Variants in CCNP observed in about 807,000 individuals in gnomAD.
The protein encoded by CCNP is cyclin-P.
A neutral mutation model predicts 19.6 loss-of-function variants in CCNP; 18 were observed. The observed-to-expected ratio is 0.92, with a 90% CI of 0.64 to 1.36. CCNP has a LOEUF of 1.36. Ranked by LOEUF, CCNP falls within the 40% of genes most tolerant of loss-of-function variation. The pLI is 0.00. For missense variants in CCNP, 440 were observed against 424.4 expected, an observed-to-expected ratio of 1.04 and a Z score of -0.32; for synonymous variants, 228 against 194.9, an observed-to-expected ratio of 1.17 and a Z score of -1.41.
At position 40,222,562 on chromosome 19, in the gene CCNP, G is replaced by A. The variant is rs148405533; in HGVS notation, c.*490C>T. On this transcript the variant is annotated 3_prime_UTR_variant, in exon 5 of 5. Coordinates refer to ENST00000430325, the MANE Select transcript of CCNP (RefSeq NM_024877.4). Reference sequence around the variant, plus strand: ...TGGAGACTGGAGGCTGAGAAGAAGCGTCGATGTGGTTCCCCACGGACGGGT... The same window carrying A: ...TGGAGACTGGAGGCTGAGAAGAAGCATCGATGTGGTTCCCCACGGACGGGT... 226 of 398,144 alleles carry A rather than the reference G, an allele frequency of 5.7e-4. 1 individual carries two copies. Among genetic ancestry groups the A allele is most frequent in the African/African-American group, 3.9e-3 (189 of 48,718 alleles). 24.7% of individuals were successfully genotyped at this position (398,144 alleles called of 1,614,324 possible). A position where few individuals can be genotyped will look rare whatever the true frequency, so the allele number is the denominator to read the frequency against.
chr19:40,225,647 A>G (rs1380339336), intron 1 of CCNP, among the ~76,000 whole-genome samples: 1 of 152,178 alleles, frequency 6.6e-6, no homozygotes, highest in African/African-American at 2.4e-5. Flanking sequence ...TTTCCTCTAC[A>G]GAGAGGGTCC....
Position 40,226,425 on chromosome 19 carries a change from C to A in CCNP, c.217G>T (p.Gly73Trp). Residue 73 changes from glycine to tryptophan, a missense_variant, in exon 1 of 5, where the codon GGG becomes TGG. Gly to Trp is a radical substitution (Grantham distance 184). Coordinates refer to ENST00000430325, the MANE Select transcript of CCNP (RefSeq NM_024877.4). ...GCGTACTCGCGTTCTCCCTGCAGCCCCAGCGCGCTCAGCGCCTCCTCCAGC... is the reference window on the plus strand; with the variant it reads ...GCGTACTCGCGTTCTCCCTGCAGCCACAGCGCGCTCAGCGCCTCCTCCAGC... ...PGLEEALSAL[G>W]LQGEREYAGD... 1 of 1,608,702 alleles carries A rather than the reference C, an allele frequency of 6.2e-7. No homozygotes were observed.
At chr19:40,223,824 A>G (rs555144872) in intron 3 of CCNP, among the ~76,000 whole-genome samples, 2 of 149,232 alleles carry the variant, frequency 1.3e-5, no homozygotes, top group Non-Finnish European at 3.0e-5. Context: ...AACAGATACT[A>G]CTCCCTGCTT....
rs1973464048 is a variant in CCNP at position 40,222,650 on chromosome 19, G to A, written c.*402C>T. 2.5e-6 allele frequency: 1 copy of A among 398,482 alleles called. No individual in the cohort carries two copies. The highest frequency in any genetic ancestry group is 6.3e-4 in the Middle Eastern group (1 of 1,588). 24.7% of individuals were successfully genotyped at this position (398,482 alleles called of 1,614,324 possible). A position where few individuals can be genotyped will look rare whatever the true frequency, so the allele number is the denominator to read the frequency against. On this transcript the variant is annotated 3_prime_UTR_variant, in exon 5 of 5. Transcript: ENST00000430325. Reference sequence around the variant, plus strand: ...CAACTGGAGTGACTAGGCGAGCACCGGGGAGAGGTGGACACCCTATTCTTC... The same window carrying A: ...CAACTGGAGTGACTAGGCGAGCACCAGGGAGAGGTGGACACCCTATTCTTC...
At chr19:40,223,591 G>T (rs1973491029) in intron 3 of CCNP, 45 bp from the exon 4 acceptor site, 1 of 1,601,550 alleles carries the variant, frequency 6.2e-7, no homozygotes, top group African/African-American at 1.3e-5. Flanking sequence ...TCTTGGATCC[G>T]GGCTCTTTAC....
At chr19:40,224,896 C>A in intron 1 of CCNP, 85 bp from the exon 2 acceptor site, 1 of 1,233,404 alleles carries the variant, frequency 8.1e-7, no homozygotes, top group Non-Finnish European at 1.1e-6. Flanking sequence ...CAGCAGCCTC[C>A]TCCAGTCAGT....
intron 3 of CCNP, chr19:40,223,784 T>G: frequency 1.8e-6 from 1 of 555,820 alleles, no homozygotes; most frequent in Non-Finnish European, 3.2e-6. Flanking sequence ...ACTTAAGCTC[T>G]CTGCCTCAGC....
intron 1 of CCNP, among the ~76,000 whole-genome samples, 190 bp downstream of exon 1, chr19:40,226,185 G>A (rs974545435): frequency 4.6e-5 from 7 of 152,266 alleles, no homozygotes; most frequent in African/African-American, 1.4e-4. Context: ...CGGTGGGAAA[G>A]GGCATTCCCA....
chr19:40,226,326 G>A, intron 1 of CCNP, 49 bp downstream of exon 1: 2 of 1,541,666 alleles, frequency 1.3e-6, no homozygotes, highest in Middle Eastern at 3.4e-4. Flanking sequence ...TGGGTGCCGG[G>A]CGGTGGGCCG....
chr19:40,224,618 G>A lies in CCNP; in HGVS notation c.383C>T (p.Thr128Ile). 6.2e-7 allele frequency: 1 copy of A among 1,614,242 alleles called. No individual in the cohort carries two copies. Among genetic ancestry groups the A allele is most frequent in the Non-Finnish European group, 8.5e-7 (1 of 1,180,048 alleles). The change falls in exon 3 of 5, where the codon ACA (threonine) becomes ATA (isoleucine). Residue 128 changes from threonine (T) to isoleucine (I), a missense_variant. Thr to Ile is a moderately conservative substitution (Grantham distance 89). Transcript: ENST00000430325. ...VHEYLGLAGD[T>I]LYLAVHLLDS... The stretch of plus-strand genomic sequence containing the variant: ...AAGCAGGTGAACCGCCAGATAAAGT[G>A]TGTCACCAGCCAGACCCAGGTACTC...
rs372571975 is a variant in CCNP, at chr19:40,224,476, C to T, written c.513+12G>A. The stretch of plus-strand genomic sequence containing the variant: ...ACTCCATCCACCCTCCCAAACCCCA[C>T]CCCGGAAGTACCTCGGGAAGCACGC... On this transcript the variant is annotated intron_variant, in intron 3 of 4. Coordinates refer to ENST00000430325, the MANE Select transcript of CCNP (RefSeq NM_024877.4). 3.2e-5 allele frequency: 52 copies of T among 1,613,314 alleles called. No homozygotes were observed. In the East Asian group the frequency reaches 1.0e-3, roughly 32 times the overall value.
Position 40,222,949 on chromosome 19 carries a change from A to C in CCNP, c.*103T>G, listed in dbSNP as rs1441587290. ...TTCTGGGCCTGGGAGACTATCTTCC[A>C]CTCTGGGGCAAGGTTAAGAGACCCC... is the stretch of plus-strand genomic sequence containing the variant. On this transcript the variant is annotated 3_prime_UTR_variant, in exon 5 of 5. Transcript: ENST00000430325. 7.4e-6 allele frequency: 5 copies of C among 673,098 alleles called. No individual in the cohort carries two copies. The East Asian group carries it at 1.4e-4, about 19-fold the overall frequency. 41.7% of individuals were successfully genotyped at this position (673,098 alleles called of 1,614,324 possible). A position where few individuals can be genotyped will look rare whatever the true frequency, so the allele number is the denominator to read the frequency against.
chr19:40,224,627 G>A lies in CCNP; in HGVS notation c.374C>T (p.Ala125Val), dbSNP rs148388441. The A allele has an allele frequency of 3.1e-6, 5 of 1,614,130 alleles. No individual in the cohort carries two copies. The highest frequency in any genetic ancestry group is 4.2e-6 in the Non-Finnish European group (5 of 1,180,056). Residue 125 changes from alanine (A) to valine (V), a missense_variant, in exon 3 of 5, where the codon GCT becomes GTT. Physicochemically the swap from Ala to Val is moderately conservative, Grantham distance 64. Transcript: ENST00000430325. The part of the protein sequence containing the change: ...LVQVHEYLGL[A>V]GDTLYLAVHL... ...AACCGCCAGATAAAGTGTGTCACCAGCCAGACCCAGGTACTCCTGAGGAGG... is the reference window on the plus strand; with the variant it reads ...AACCGCCAGATAAAGTGTGTCACCAACCAGACCCAGGTACTCCTGAGGAGG...
At position 40,226,434 on chromosome 19, in the gene CCNP, T is replaced by C; in HGVS notation, c.208A>G (p.Ser70Gly). 2 of 1,609,118 alleles carry C rather than the reference T, an allele frequency of 1.2e-6. No individual in the cohort carries two copies. Among genetic ancestry groups the C allele is most frequent in the Non-Finnish European group, 1.7e-6 (2 of 1,179,576 alleles). Residue 70 changes from serine (S) to glycine (G), a missense_variant, in exon 1 of 5, where the codon AGC (serine) becomes GGC (glycine). Physicochemically the swap from Ser to Gly is moderately conservative, Grantham distance 56 (BLOSUM62 0). Transcript: ENST00000430325. ...CGTTCTCCCTGCAGCCCCAGCGCGCTCAGCGCCTCCTCCAGCCCCGGCGGC... is the reference window on the plus strand; with the variant it reads ...CGTTCTCCCTGCAGCCCCAGCGCGCCCAGCGCCTCCTCCAGCCCCGGCGGC... ...ARPPGLEEAL[S>G]ALGLQGEREY...
intron 1 of CCNP, chr19:40,225,022 G>T: frequency 1.8e-6 from 1 of 553,134 alleles, no homozygotes; most frequent in South Asian, 2.4e-5. Context: ...TCTCCGCCAC[G>T]TGGACTCCTG....
Position 40,223,165 on chromosome 19 carries a change from G to GCTGGAGA in CCNP, c.810_811insTCTCCAG (p.Pro271SerfsTer9), listed in dbSNP as rs1973475620. On this transcript the variant is annotated frameshift_variant, in exon 5 of 5. Coordinates refer to ENST00000430325, the MANE Select transcript of CCNP (RefSeq NM_024877.4). LOFTEE classifies it low-confidence loss of function (END_TRUNC). Reference sequence around the variant, plus strand: ...CCAAGACTACACCTGTAAAGTTCTGGCTGGAGCCTGGAGCCCGCCCCGTCG... The same window carrying GCTGGAGA: ...CCAAGACTACACCTGTAAAGTTCTGGCTGGAGACTGGAGCCTGGAGCCCGCCCCGTCG... 2 of 1,551,532 alleles carry GCTGGAGA rather than the reference G, an allele frequency of 1.3e-6. No homozygotes were observed. Among genetic ancestry groups the GCTGGAGA allele is most frequent in the African/African-American group, 2.7e-5 (2 of 73,156 alleles).
At chr19:40,225,100 C>T (rs1973522047) in intron 1 of CCNP, among the ~76,000 whole-genome samples, 1 of 151,580 alleles carries the variant, frequency 6.6e-6, no homozygotes, top group African/African-American at 2.4e-5. Context: ...CACTCTGTTG[C>T]CCAGGCTGGA....
Position 40,223,050 on chromosome 19 carries a change from C to T in CCNP, c.*2G>A, listed in dbSNP as rs765561848. On this transcript the variant is annotated 3_prime_UTR_variant, in exon 5 of 5. Coordinates refer to ENST00000430325, the MANE Select transcript of CCNP (RefSeq NM_024877.4). ...AAATCAAGTCTAGGTGCCACCTCCT[C>T]CTCAATAATTGTCTCTCATTCTCCG... The T allele has an allele frequency of 1.3e-6, 2 of 1,509,106 alleles. No individual in the cohort carries two copies. Among genetic ancestry groups the T allele is most frequent in the African/African-American group, 2.8e-5 (2 of 71,764 alleles). The allele number at this position is 1,509,106 out of a possible 1,614,324, so 93.5% of individuals were successfully genotyped here.
rs547688635 is a variant in CCNP, at chr19:40,223,300, T to G, written c.676A>C (p.Met226Leu). 2.0e-6 allele frequency: 3 copies of G among 1,520,760 alleles called. No homozygotes were observed. The highest frequency in any genetic ancestry group is 2.8e-5 in the African/African-American group (2 of 71,950). The allele number at this position is 1,520,760 out of a possible 1,614,324, so 94.2% of individuals were successfully genotyped here. Residue 226 changes from methionine to leucine, a missense_variant, in exon 5 of 5, where the codon ATG becomes CTG. Coordinates refer to ENST00000430325, the MANE Select transcript of CCNP (RefSeq NM_024877.4). ...TCCAGGAAGTAGGTGGCAAGTAACA[T>G]CACCTGCAAGTGAGGCGGGGCGACT... ...AALAGSSPQV[M>L]LLATYFLELS...
Sources: allele counts gnomAD v4.1 joint callset (sites outside exome capture counted in the v4.1 genomes callset), GRCh38; gene constraint gnomAD v4.1.1; transcripts MANE v1.5; gene names NCBI Gene and HGNC (gene_info 2026-07-23, HGNC 2026-07-21).